NTM: variants seen among roughly 807,000 people sequenced by gnomAD.
NTM encodes the protein IgLON family member 2.
In NTM, 13 loss-of-function variants were observed where a neutral mutation model predicts 42.1. That is an observed-to-expected ratio of 0.31 (90% CI 0.20 to 0.49). The LOEUF (loss-of-function observed/expected upper bound fraction) is 0.49. NTM is among the 20% of genes least tolerant of loss of function. The probability of loss-of-function intolerance (pLI) is 0.99; values close to 1 mark genes in which losing one functional copy is unlikely to be tolerated. For missense variants in NTM, 373 were observed against 452.8 expected (o/e 0.82, Z 1.60); for synonymous variants, 187 against 179.2 (o/e 1.04, Z -0.35).
chr11:131,504,193 G>A (rs540659263), intron 1 of NTM, among the ~76,000 whole-genome samples: 106 of 152,182 alleles, frequency 7.0e-4, no homozygotes, highest in African/African-American at 2.5e-3. Context: ...AGCCACCTCT[G>A]TCCTCACCCT....
chr11:132,324,874 C>T (rs1437648057), intron 7 of NTM, among the ~76,000 whole-genome samples: 2 of 150,782 alleles, frequency 1.3e-5, no homozygotes, highest in Non-Finnish European at 3.0e-5. Flanking sequence ...CACATATCTA[C>T]AACTATCTGA....
At chr11:132,244,491 C>T (rs2090744559) in intron 4 of NTM, among the ~76,000 whole-genome samples, 1 of 152,156 alleles carries the variant, frequency 6.6e-6, no homozygotes, top group Non-Finnish European at 1.5e-5. Context: ...AATGTGTACC[C>T]CAGGTGATTC....
At chr11:131,885,544 C>T (rs1193443939) in intron 1 of NTM, among the ~76,000 whole-genome samples, 2 of 152,194 alleles carry the variant, frequency 1.3e-5, no homozygotes, top group African/African-American at 4.8e-5. Context: ...TCCTCAGGGG[C>T]TGAGCAGCAG....
At chr11:132,050,878 T>TCC (rs2078758081) in intron 2 of NTM, among the ~76,000 whole-genome samples, 1 of 152,244 alleles carries the variant, frequency 6.6e-6, no homozygotes, top group Non-Finnish European at 1.5e-5. Flanking sequence ...CATACTTACA[T>TCC]GTCTTGCCTC....
At chr11:132,316,210 T>G (rs2095426110) in intron 7 of NTM, among the ~76,000 whole-genome samples, 1 of 151,916 alleles carries the variant, frequency 6.6e-6, no homozygotes, top group Non-Finnish European at 1.5e-5. Flanking sequence ...TTCCCCGGCT[T>G]CTTCTCCTTA....
chr11:131,406,436 C>T (rs1184557077), intron 1 of NTM, among the ~76,000 whole-genome samples: 1 of 152,136 alleles, frequency 6.6e-6, no homozygotes, highest in Non-Finnish European at 1.5e-5. Flanking sequence ...AAACAAATAT[C>T]TTGCCACACA....
In NTM at chr11:131,754,122, G is replaced by A. The variant is rs1292287455; in HGVS notation, c.83-157442G>A. Among the ~76,000 whole-genome samples, 10 of 129,916 alleles carry A rather than the reference G, an allele frequency of 7.7e-5. No homozygotes were observed. In the East Asian group the frequency reaches 2.1e-3, roughly 28 times the overall value. 85.2% of individuals were successfully genotyped at this position (129,916 alleles called of 152,430 possible). A position where few individuals can be genotyped will look rare whatever the true frequency, so the allele number is the denominator to read the frequency against. On this transcript the variant is annotated intron_variant, in intron 1 of 8. Transcript: ENST00000683400. ...ACAGGAAGGGGAATATCACACACCGGGGCCTGTTGTGGGGTGGGGGGAGGG... is the reference window on the plus strand; with the variant it reads ...ACAGGAAGGGGAATATCACACACCGAGGCCTGTTGTGGGGTGGGGGGAGGG...
intron 3 of NTM, among the ~76,000 whole-genome samples, chr11:132,174,342 G>A (rs1156988573): frequency 1.3e-5 from 2 of 152,170 alleles, no homozygotes; most frequent in Non-Finnish European, 2.9e-5. Context: ...ATTAAATCAT[G>A]GAAGTGAACT....
intron 2 of NTM, among the ~76,000 whole-genome samples, chr11:132,128,461 G>C (rs934249920): frequency 6.6e-6 from 1 of 152,072 alleles, no homozygotes; most frequent in Non-Finnish European, 1.5e-5. Context: ...CCTCTCCAGG[G>C]ACCATCCTCA....
chr11:132,195,382 T>C (rs890295861), intron 3 of NTM, among the ~76,000 whole-genome samples: 1 of 152,042 alleles, frequency 6.6e-6, no homozygotes, highest in Non-Finnish European at 1.5e-5. Flanking sequence ...CAAACCAATT[T>C]ACAGATTCAA....
chr11:132,106,815 G>A (rs1023075032), intron 2 of NTM, among the ~76,000 whole-genome samples: 4 of 152,034 alleles, frequency 2.6e-5, no homozygotes, highest in Admixed American at 6.6e-5. Context: ...ATGACTCTTC[G>A]CTGCCTGTGA....
intron 2 of NTM, among the ~76,000 whole-genome samples, chr11:131,994,816 A>G (rs1336711400): frequency 6.6e-6 from 1 of 152,080 alleles, no homozygotes; most frequent in Non-Finnish European, 1.5e-5. Context: ...CATACCTCAT[A>G]TTAACAAGGC....
At chr11:131,538,454 G>T (rs2136756457) in intron 1 of NTM, 1 of 152,208 alleles carries the variant, frequency 6.6e-6, no homozygotes, top group East Asian at 1.9e-4. Flanking sequence ...ACGTGTAGGA[G>T]ATCCTACTCT....
At chr11:131,743,633 A>T (rs992693282) in intron 1 of NTM, among the ~76,000 whole-genome samples, 1 of 152,202 alleles carries the variant, frequency 6.6e-6, no homozygotes, top group East Asian at 1.9e-4. Flanking sequence ...GTTATGACTT[A>T]CCAACTCTGC....
chr11:131,382,246 GGAGACT>G (rs1942778426), intron 1 of NTM, among the ~76,000 whole-genome samples: 1 of 152,108 alleles, frequency 6.6e-6, no homozygotes, highest in Non-Finnish European at 1.5e-5. Flanking sequence ...TTCTTGACTG[GGAGACT>G]GGGATCCTTC....
intron 4 of NTM, among the ~76,000 whole-genome samples, chr11:132,231,023 GTAA>G (rs2087451075): frequency 6.6e-6 from 1 of 152,190 alleles, no homozygotes; most frequent in Non-Finnish European, 1.5e-5. Flanking sequence ...CATAATAATT[GTAA>G]TAATAATGCT....
At chr11:132,256,119 C>T (rs776511306) in intron 4 of NTM, among the ~76,000 whole-genome samples, 1 of 152,158 alleles carries the variant, frequency 6.6e-6, no homozygotes, top group Non-Finnish European at 1.5e-5. Flanking sequence ...AGAGGGTGGG[C>T]TCCTAGGAAG....
chr11:131,610,394 T>C (rs1349387466), intron 1 of NTM, among the ~76,000 whole-genome samples: 1 of 152,230 alleles, frequency 6.6e-6, no homozygotes, highest in Non-Finnish European at 1.5e-5. Context: ...GGGGCTTTTA[T>C]TGGGGCTTTT....
At chr11:131,994,733 G>C (rs768881889) in intron 2 of NTM, among the ~76,000 whole-genome samples, 2 of 152,106 alleles carry the variant, frequency 1.3e-5, no homozygotes, top group Non-Finnish European at 2.9e-5. Flanking sequence ...CCCAGTTTAT[G>C]TTTCTGGCCT....
Sources: gnomAD v4.1 joint callset for allele counts (sites outside exome capture counted in the v4.1 genomes callset) on GRCh38, gnomAD v4.1.1 for gene constraint, MANE v1.5 for transcripts, NCBI Gene and HGNC (gene_info 2026-07-23, HGNC 2026-07-21) for gene names.